Variants in PBX3 observed in about 807,000 individuals in gnomAD.
PBX3 encodes pre-B-cell leukemia transcription factor 3.
Under a neutral mutation model 48.5 loss-of-function variants are expected in PBX3, and 14 were observed. The ratio of observed to expected loss-of-function variants is 0.29; its 90% CI spans 0.19 to 0.45. PBX3 has a LOEUF of 0.45. Among genes scored for constraint, PBX3 ranks in the 20% least tolerant of loss-of-function variants. The pLI, the probability that PBX3 is intolerant of heterozygous loss-of-function variation, is 1.00. For missense variants in PBX3, 386 were observed against 546.7 expected (o/e 0.71, Z 2.93); for synonymous variants, 210 against 200.3 (o/e 1.05, Z -0.41).
chr9:125,835,002 C>G (rs1313798243), intron 2 of PBX3, among the ~76,000 whole-genome samples: 1 of 74,984 alleles, frequency 1.3e-5, no homozygotes, highest in Non-Finnish European at 2.4e-5. Context: ...CGGTGACGAG[C>G]AAAACTCTGT....
chr9:125,950,968 TTTAAGTA>T (rs1842183525), intron 5 of PBX3, among the ~76,000 whole-genome samples: 1 of 152,208 alleles, frequency 6.6e-6, no homozygotes, highest in Non-Finnish European at 1.5e-5. Flanking sequence ...CGAAACTTGT[TTTAAGTA>T]TTAAGAGAAA....
At chr9:125,842,412 C>T (rs1839312675) in intron 2 of PBX3, among the ~76,000 whole-genome samples, 1 of 152,142 alleles carries the variant, frequency 6.6e-6, no homozygotes, top group Non-Finnish European at 1.5e-5. Context: ...AAGAATTCAC[C>T]CCTTTCCATT....
chr9:125,747,818 C>G (rs957599900), intron 1 of PBX3, among the ~76,000 whole-genome samples, 165 bp downstream of exon 1: 7 of 151,628 alleles, frequency 4.6e-5, no homozygotes, highest in African/African-American at 1.7e-4. Flanking sequence ...TGCCCGCGCC[C>G]CCCGAAGCGG....
At chr9:125,822,108 G>C (rs1838669575) in intron 2 of PBX3, among the ~76,000 whole-genome samples, 1 of 151,966 alleles carries the variant, frequency 6.6e-6, no homozygotes, top group Admixed American at 6.6e-5. Flanking sequence ...TAATAGTGGA[G>C]TTATTTTTAA....
intron 2 of PBX3, among the ~76,000 whole-genome samples, chr9:125,780,163 C>T (rs1180433055): frequency 3.6e-4 from 49 of 134,776 alleles, no homozygotes; most frequent in Admixed American, 8.1e-4. Context: ...CCTCACCTCC[C>T]GGACGGGGCG....
chr9:125,959,240 G>T (rs1842374042), intron 5 of PBX3, among the ~76,000 whole-genome samples: 1 of 152,192 alleles, frequency 6.6e-6, no homozygotes, highest in East Asian at 1.9e-4. Flanking sequence ...CAGTCTTCTA[G>T]GGGGAAAAAA....
At chr9:125,804,333 A>G (rs989734057) in intron 2 of PBX3, among the ~76,000 whole-genome samples, 2 of 152,340 alleles carry the variant, frequency 1.3e-5, no homozygotes, top group Non-Finnish European at 2.9e-5. Context: ...TTTTCAAGGT[A>G]TATGAGCTAT....
chr9:125,853,473 TA>T (rs1334220637), intron 2 of PBX3, among the ~76,000 whole-genome samples: 1 of 152,210 alleles, frequency 6.6e-6, no homozygotes, highest in Non-Finnish European at 1.5e-5. Context: ...AGATCATTTT[TA>T]CAAAAAGAAG....
rs1192540454 is a variant in PBX3 at position 125,831,985 on chromosome 9, T to C, written c.274+83362T>C. 4.6e-5 allele frequency among the ~76,000 whole-genome samples: 7 copies of C among 152,288 alleles called. No individual in the cohort carries two copies. In the East Asian group the frequency reaches 9.6e-4, roughly 21 times the overall value. ...AAAATTTGAGCCTTAAGGGTACTTA[T>C]TGCTACTGGGTTGTTTGCTTTCAGG... On this transcript the variant is annotated intron_variant, in intron 2 of 8. Transcript: ENST00000373489.
intron 2 of PBX3, among the ~76,000 whole-genome samples, chr9:125,778,623 AT>A (rs1384543357): frequency 1.1e-5 from 1 of 94,070 alleles, no homozygotes; most frequent in African/African-American, 4.5e-5. Context: ...TTTTTTTCAT[AT>A]TTTCTATTTC....
intron 8 of PBX3, among the ~76,000 whole-genome samples, chr9:125,964,383 AT>A (rs1379609455): frequency 6.6e-6 from 1 of 152,064 alleles, no homozygotes; most frequent in Admixed American, 6.6e-5. Context: ...TCCTAAGTAG[AT>A]TTTCATACCT....
intron 2 of PBX3, among the ~76,000 whole-genome samples, chr9:125,886,135 G>A (rs1304582667): frequency 1.3e-5 from 2 of 152,066 alleles, no homozygotes; most frequent in East Asian, 3.8e-4. Context: ...GGAAACAGTT[G>A]TGATTAAAAA....
At chr9:125,760,447 G>T (rs1247189821) in intron 2 of PBX3, among the ~76,000 whole-genome samples, 2 of 151,266 alleles carry the variant, frequency 1.3e-5, no homozygotes, top group Non-Finnish European at 2.9e-5. Flanking sequence ...CTGATGTAAG[G>T]GTTTCATACA....
intron 2 of PBX3, among the ~76,000 whole-genome samples, chr9:125,870,589 G>A (rs550946816): frequency 1.4e-4 from 22 of 152,290 alleles, no homozygotes; most frequent in South Asian, 8.3e-4. Flanking sequence ...ATCCCACTGG[G>A]TCTGTCCCAC....
At chr9:125,826,188 G>A (rs1027403229) in intron 2 of PBX3, among the ~76,000 whole-genome samples, 2 of 152,000 alleles carry the variant, frequency 1.3e-5, no homozygotes, top group Admixed American at 6.6e-5. Context: ...TTCTTTTGAG[G>A]CATGATTTTT....
chr9:125,793,362 A>G (rs900197011), intron 2 of PBX3, among the ~76,000 whole-genome samples: 6 of 65,650 alleles, frequency 9.1e-5, no homozygotes, highest in East Asian at 6.2e-4. Flanking sequence ...GGGGGGAAAA[A>G]AAAAATATAT....
At chr9:125,841,882 A>G (rs951401818) in intron 2 of PBX3, among the ~76,000 whole-genome samples, 6 of 152,154 alleles carry the variant, frequency 3.9e-5, no homozygotes, top group African/African-American at 1.4e-4. Context: ...GGATGTGTAG[A>G]GATAGTTTGA....
chr9:125,946,309 CAAAA>C (rs1234529992), intron 5 of PBX3, among the ~76,000 whole-genome samples: 1 of 151,862 alleles, frequency 6.6e-6, no homozygotes. Flanking sequence ...CAAAACAAAA[CAAAA>C]ACAAACAAAA....
rs1037298306 is a variant in PBX3 at position 125,949,555 on chromosome 9, C to G, written c.844-11129C>G. On this transcript the variant is annotated intron_variant, in intron 5 of 8. Coordinates refer to ENST00000373489, the MANE Select transcript of PBX3 (RefSeq NM_006195.6). ...ATATATATATATAGTATTCTTTACT[C>G]CAAAAATGCATGAGATTCATTTTTG... The G allele has an allele frequency of 1.9e-5, 25 of 1,322,834 alleles. No homozygotes were observed. In the African/African-American group the frequency reaches 3.6e-4, roughly 19 times the overall value. The allele number at this position is 1,322,834 out of a possible 1,614,324, so 81.9% of individuals were successfully genotyped here.
Sources: gnomAD v4.1 joint callset for allele counts (sites outside exome capture counted in the v4.1 genomes callset) on GRCh38, gnomAD v4.1.1 for gene constraint, MANE v1.5 for transcripts, NCBI Gene and HGNC (gene_info 2026-07-23, HGNC 2026-07-21) for gene names.